The following ALCAM variants were observed in gnomAD, a reference collection of about 807,000 sequenced individuals.
ALCAM encodes CD166 antigen.
Under a neutral mutation model 70.9 loss-of-function variants are expected in ALCAM, and 30 were observed. That is an observed-to-expected ratio of 0.42 (90% confidence interval 0.32 to 0.57). The LOEUF (loss-of-function observed/expected upper bound fraction) is 0.57. ALCAM is among the 20% of genes least tolerant of loss of function. The pLI is 0.11. For synonymous variants in ALCAM, 249 were observed against 242.5 expected (o/e 1.03, Z -0.25); for missense variants, 591 against 695.1 (o/e 0.85, Z 1.68).
intron 1 of ALCAM, among the ~76,000 whole-genome samples, chr3:105,401,625 T>C (rs997515341): frequency 1.3e-5 from 2 of 152,196 alleles, no homozygotes; most frequent in African/African-American, 2.4e-5. Flanking sequence ...ACTTGTAGTA[T>C]GTCTAAAATT....
At chr3:105,449,223 C>G (rs1196124088) in intron 1 of ALCAM, among the ~76,000 whole-genome samples, 1 of 152,142 alleles carries the variant, frequency 6.6e-6, no homozygotes, top group Admixed American at 6.5e-5. Flanking sequence ...ACTGATTTAT[C>G]TTCAGTGCTA....
chr3:105,530,492 T>C (rs1176436650), intron 3 of ALCAM, among the ~76,000 whole-genome samples: 1 of 152,020 alleles, frequency 6.6e-6, no homozygotes, highest in Non-Finnish European at 1.5e-5. Context: ...GGTAGTCAAG[T>C]GTCACTTCTA....
Position 105,534,586 on chromosome 3 carries a change from A to C in ALCAM, c.548-77A>C, listed in dbSNP as rs917375864. 2.9e-6 allele frequency: 4 copies of C among 1,380,392 alleles called. No homozygotes were observed. The African/African-American group carries it at 4.3e-5, about 15-fold the overall frequency. The allele number at this position is 1,380,392 out of a possible 1,614,324, so 85.5% of individuals were successfully genotyped here. ...TAGAAGGAAAAAAAACACTTCTCAA[A>C]GGTGTGGTGCTGTTTCGTTAAGGAT... On this transcript the variant is annotated intron_variant, in intron 5 of 15. Transcript: ENST00000306107.
At chr3:105,517,374 T>C (rs930788922) in intron 1 of ALCAM, among the ~76,000 whole-genome samples, 2 of 152,178 alleles carry the variant, frequency 1.3e-5, no homozygotes, top group African/African-American at 4.8e-5. Context: ...GCTTTTTACC[T>C]ACTGCCCTCT....
chr3:105,385,578 G>A (rs1014908751), intron 1 of ALCAM, among the ~76,000 whole-genome samples: 6 of 151,530 alleles, frequency 4.0e-5, no homozygotes, highest in South Asian at 2.1e-4. Context: ...ATCTCTTCTC[G>A]ATAACTAACA....
At chr3:105,500,821 A>T (rs1938899787) in intron 1 of ALCAM, among the ~76,000 whole-genome samples, 1 of 152,178 alleles carries the variant, frequency 6.6e-6, no homozygotes, top group South Asian at 2.1e-4. Context: ...ATCACTAAAC[A>T]TTTCCTTATA....
intron 2 of ALCAM, among the ~76,000 whole-genome samples, chr3:105,523,381 T>C (rs1939605886): frequency 1.3e-5 from 2 of 152,148 alleles, no homozygotes; most frequent in Non-Finnish European, 2.9e-5. Context: ...AATAAAACTT[T>C]TGGACTCCAA....
intron 1 of ALCAM, among the ~76,000 whole-genome samples, chr3:105,419,700 C>T (rs1433084755): frequency 6.6e-6 from 1 of 151,586 alleles, no homozygotes; most frequent in Non-Finnish European, 1.5e-5. Context: ...ATTAGTTGTC[C>T]CAAAGGAGTC....
At chr3:105,458,118 C>T (rs1457977444) in intron 1 of ALCAM, among the ~76,000 whole-genome samples, 1 of 150,560 alleles carries the variant, frequency 6.6e-6, no homozygotes, top group Non-Finnish European at 1.5e-5. Context: ...TGAACTAACA[C>T]AGTGCAACTT....
intron 1 of ALCAM, among the ~76,000 whole-genome samples, chr3:105,504,396 C>T (rs150243020): frequency 0.015 from 2,350 of 152,312 alleles, 25 homozygotes; most frequent in Middle Eastern, 0.048. Context: ...AGAATCAGAT[C>T]ACGTATGGGC....
At chr3:105,434,884 A>G (rs1054568863) in intron 1 of ALCAM, among the ~76,000 whole-genome samples, 1 of 152,150 alleles carries the variant, frequency 6.6e-6, no homozygotes, top group Non-Finnish European at 1.5e-5. Context: ...ACTGTCAACC[A>G]GTTTCTTCAT....
chr3:105,507,045 G>A (rs1406269027), intron 1 of ALCAM, among the ~76,000 whole-genome samples: 1 of 152,164 alleles, frequency 6.6e-6, no homozygotes, highest in Non-Finnish European at 1.5e-5. Flanking sequence ...TCTAAATGTA[G>A]AATATATTGC....
At chr3:105,402,431 G>A (rs2107374071) in intron 1 of ALCAM, among the ~76,000 whole-genome samples, 1 of 152,254 alleles carries the variant, frequency 6.6e-6, no homozygotes, top group Middle Eastern at 3.4e-3. Flanking sequence ...TCCATGAGAT[G>A]CTGAAAAACT....
chr3:105,576,852 A>G lies in ALCAM; in HGVS notation c.*2401A>G, dbSNP rs1034697028. 2 of 152,194 alleles carry G rather than the reference A, an allele frequency of 1.3e-5. No homozygotes were observed. Among genetic ancestry groups the G allele is most frequent in the Non-Finnish European group, 2.9e-5 (2 of 68,026 alleles). The allele number at this position is 152,194 out of a possible 1,614,324, so 9.4% of individuals were successfully genotyped here. The stretch of plus-strand genomic sequence containing the variant: ...TAGGAATTGTTTGTGGAAATGGATT[A>G]ACATACCCGTCTATGCCTAAAAGAT... On this transcript the variant is annotated 3_prime_UTR_variant, in exon 16 of 16. Transcript: ENST00000306107.
At chr3:105,473,588 A>G (rs1281491774) in intron 1 of ALCAM, among the ~76,000 whole-genome samples, 1 of 151,668 alleles carries the variant, frequency 6.6e-6, no homozygotes, top group Non-Finnish European at 1.5e-5. Context: ...TTACTCAAGT[A>G]TTATGACAGG....
intron 1 of ALCAM, among the ~76,000 whole-genome samples, chr3:105,475,425 A>G (rs1938082497): frequency 6.6e-6 from 1 of 151,972 alleles, no homozygotes; most frequent in Admixed American, 6.6e-5. Flanking sequence ...TGCAATATGC[A>G]TTCTGTTCAT....
At chr3:105,409,216 G>T (rs1365725420) in intron 1 of ALCAM, among the ~76,000 whole-genome samples, 1 of 152,002 alleles carries the variant, frequency 6.6e-6, no homozygotes, top group Non-Finnish European at 1.5e-5. Context: ...CAGAGGAAAA[G>T]AAGTCATATG....
intron 1 of ALCAM, among the ~76,000 whole-genome samples, chr3:105,387,484 T>G (rs1935689546): frequency 6.6e-6 from 1 of 151,494 alleles, no homozygotes; most frequent in South Asian, 2.1e-4. Flanking sequence ...ACTACATACC[T>G]ACATTGTTAA....
At chr3:105,372,765 G>A (rs912296472) in intron 1 of ALCAM, among the ~76,000 whole-genome samples, 2 of 152,056 alleles carry the variant, frequency 1.3e-5, no homozygotes, top group Non-Finnish European at 2.9e-5. Context: ...CTCTATTACT[G>A]TTATTATTGT....
Sources: gnomAD v4.1 joint callset for allele counts (sites outside exome capture counted in the v4.1 genomes callset) on GRCh38, gnomAD v4.1.1 for gene constraint, MANE v1.5 for transcripts, NCBI Gene and HGNC (gene_info 2026-07-23, HGNC 2026-07-21) for gene names.